The following SEMA5A variants were observed in gnomAD, a reference collection of about 807,000 sequenced individuals.
SEMA5A encodes semaphorin 5A, also known as semaphorin-5A.
In SEMA5A, 55 loss-of-function variants were observed where a neutral mutation model predicts 135.5. That is an observed-to-expected ratio of 0.41 (90% CI 0.33 to 0.51). The LOEUF (loss-of-function observed/expected upper bound fraction) is 0.51. Among genes scored for constraint, SEMA5A ranks in the 20% least tolerant of loss-of-function variants. The pLI is 0.37. For missense variants in SEMA5A, 1,290 were observed against 1,419.9 expected, an observed-to-expected ratio of 0.91 and a Z score of 1.47; for synonymous variants, 580 against 546.5, an observed-to-expected ratio of 1.06 and a Z score of -0.85.
chr5:9,503,663 T>C (rs1735707804), intron 1 of SEMA5A, among the ~76,000 whole-genome samples: 2 of 152,204 alleles, frequency 1.3e-5, no homozygotes, highest in Admixed American at 6.5e-5. Context: ...CACCTTCTCA[T>C]GGATGAAGAT....
intron 6 of SEMA5A, among the ~76,000 whole-genome samples, chr5:9,234,928 C>T (rs947421581): frequency 2.6e-5 from 4 of 152,162 alleles, no homozygotes; most frequent in African/African-American, 9.7e-5. Flanking sequence ...CAAAAGATGG[C>T]CTTTTCCTAA....
chr5:9,321,715 T>C (rs1304265730), intron 4 of SEMA5A, among the ~76,000 whole-genome samples: 4 of 152,184 alleles, frequency 2.6e-5, no homozygotes, highest in Non-Finnish European at 5.9e-5. Flanking sequence ...ACCCTACTCC[T>C]TTTCAACCCA....
intron 12 of SEMA5A, among the ~76,000 whole-genome samples, chr5:9,152,276 T>C (rs1176451490): frequency 2.6e-5 from 4 of 152,202 alleles, no homozygotes; most frequent in Non-Finnish European, 5.9e-5. Flanking sequence ...GTTGAAAGAC[T>C]GGTGTCCTTC....
intron 18 of SEMA5A, among the ~76,000 whole-genome samples, chr5:9,055,391 G>A (rs1279835469): frequency 6.6e-6 from 1 of 152,196 alleles, no homozygotes; most frequent in South Asian, 2.1e-4. Context: ...ACTCACTATT[G>A]CTGTATGTAG....
intron 1 of SEMA5A, among the ~76,000 whole-genome samples, chr5:9,509,739 G>C (rs576794972): frequency 5.9e-5 from 9 of 152,076 alleles, no homozygotes; most frequent in Non-Finnish European, 1.0e-4. Flanking sequence ...TTCTGAGTTA[G>C]ACCACTGGCA....
chr5:9,299,465 C>T (rs1751499917), intron 5 of SEMA5A, among the ~76,000 whole-genome samples: 1 of 152,130 alleles, frequency 6.6e-6, no homozygotes, highest in Admixed American at 6.5e-5. Context: ...TGAGTTCACA[C>T]CTATCTCCTG....
At chr5:9,470,756 C>T (rs1381455392) in intron 1 of SEMA5A, among the ~76,000 whole-genome samples, 1 of 152,182 alleles carries the variant, frequency 6.6e-6, no homozygotes. Flanking sequence ...CAGAAATCAG[C>T]CTGCCTCCCA....
At chr5:9,443,418 C>G (rs749940947) in intron 1 of SEMA5A, among the ~76,000 whole-genome samples, 6 of 152,138 alleles carry the variant, frequency 3.9e-5, no homozygotes, top group Non-Finnish European at 8.8e-5. Flanking sequence ...ACAGGGATAA[C>G]AGGATGTCCT....
At chr5:9,368,984 C>G (rs947821318) in intron 3 of SEMA5A, among the ~76,000 whole-genome samples, 1 of 152,126 alleles carries the variant, frequency 6.6e-6, no homozygotes, top group Non-Finnish European at 1.5e-5. Context: ...TCCCAAGTGG[C>G]TGAATCATTA....
At chr5:9,156,147 A>G (rs1298294705) in intron 11 of SEMA5A, among the ~76,000 whole-genome samples, 3 of 152,248 alleles carry the variant, frequency 2.0e-5, no homozygotes, top group African/African-American at 7.2e-5. Flanking sequence ...TGTGGCGTAG[A>G]GAGGCAGACA....
intron 4 of SEMA5A, among the ~76,000 whole-genome samples, chr5:9,322,275 T>G (rs1184535483): frequency 6.6e-6 from 1 of 152,124 alleles, no homozygotes; most frequent in East Asian, 1.9e-4. Flanking sequence ...ACCATCTACC[T>G]CTTCTCCTTC....
At chr5:9,167,083 C>A (rs776664343) in intron 11 of SEMA5A, among the ~76,000 whole-genome samples, 1 of 152,066 alleles carries the variant, frequency 6.6e-6, no homozygotes, top group Non-Finnish European at 1.5e-5. Flanking sequence ...ACTTTTGAAA[C>A]ATTAATTCTA....
chr5:9,054,402 A>G lies in SEMA5A; in HGVS notation c.2519-145T>C, dbSNP rs562067600. On this transcript the variant is annotated intron_variant, in intron 18 of 22. Transcript: ENST00000382496. ...TCCAGAAAGGCTTCAGTGCATAGGC[A>G]CACGTAGCAACAAGGCTTCTGACCC... 171 of 964,362 alleles carry G rather than the reference A, an allele frequency of 1.8e-4. No individual in the cohort carries two copies. In the African/African-American group the frequency reaches 2.6e-3, roughly 15 times the overall value. 59.7% of individuals were successfully genotyped at this position (964,362 alleles called of 1,614,324 possible).
At chr5:9,460,288 T>C (rs1219044547) in intron 1 of SEMA5A, among the ~76,000 whole-genome samples, 1 of 152,156 alleles carries the variant, frequency 6.6e-6, no homozygotes, top group Non-Finnish European at 1.5e-5. Context: ...CAACTGTCAG[T>C]GAGTTCACAG....
At chr5:9,051,845 TCTTAC>T in intron 20 of SEMA5A, 23 bp downstream of exon 20, 2 of 1,613,916 alleles carry the variant, frequency 1.2e-6, no homozygotes, top group Non-Finnish European at 1.7e-6. Context: ...ATGATTTTAT[TCTTAC>T]TGATAAATAC....
chr5:9,387,690 A>T (rs1755957161), intron 2 of SEMA5A, among the ~76,000 whole-genome samples: 1 of 152,254 alleles, frequency 6.6e-6, no homozygotes, highest in South Asian at 2.1e-4. Flanking sequence ...ACAGTGTAGG[A>T]AATGGAATTA....
At chr5:9,107,868 T>C (rs1740007020) in intron 16 of SEMA5A, among the ~76,000 whole-genome samples, 1 of 152,144 alleles carries the variant, frequency 6.6e-6, no homozygotes, top group South Asian at 2.1e-4. Context: ...ATCTATTGTA[T>C]GGGGAACATC....
At chr5:9,532,568 A>G (rs268547) in intron 1 of SEMA5A, among the ~76,000 whole-genome samples, 51,882 of 151,454 alleles carry the variant, frequency 0.34, 9,042 homozygotes, top group East Asian at 0.41. Context: ...GATTACAGGC[A>G]TGAGCCACTG....
rs868190981 is a variant in SEMA5A, at chr5:9,210,919, C to A, written c.647-8679G>T. ...ACAGATACTCCAATAAGTACATGGACAGGCAGGCGATATGCATGGAGGCCA... is the reference window on the plus strand; with the variant it reads ...ACAGATACTCCAATAAGTACATGGAAAGGCAGGCGATATGCATGGAGGCCA... On this transcript the variant is annotated intron_variant, in intron 8 of 22. Transcript: ENST00000382496. Among the ~76,000 whole-genome samples the A allele has an allele frequency of 8.5e-5, 13 of 152,288 alleles. No individual in the cohort carries two copies. In the Middle Eastern group the frequency reaches 0.02, roughly 239 times the overall value.
Sources: allele counts gnomAD v4.1 joint callset (sites outside exome capture counted in the v4.1 genomes callset), GRCh38; gene constraint gnomAD v4.1.1; transcripts MANE v1.5; gene names NCBI Gene and HGNC (gene_info 2026-07-23, HGNC 2026-07-21).